The following ACSF2 variants were observed in gnomAD, a reference collection of about 807,000 sequenced individuals.
ACSF2 encodes the protein medium-chain acyl-CoA ligase ACSF2, mitochondrial.
Under a neutral mutation model 79.3 loss-of-function variants are expected in ACSF2, and 52 were observed. The observed-to-expected ratio is 0.66, with a 90% CI of 0.53 to 0.83. The LOEUF is 0.83. Among genes scored for constraint, ACSF2 ranks in the 40% least tolerant of loss-of-function variants. The pLI is 0.00. For synonymous variants in ACSF2, 283 were observed against 312.6 expected, an observed-to-expected ratio of 0.91 and a Z score of 1.00; for missense variants, 661 against 803.3, an observed-to-expected ratio of 0.82 and a Z score of 2.14.
At chr17:50,462,034 G>A (rs950558893) in intron 4 of ACSF2, 150 bp from the exon 5 acceptor site, 13 of 682,182 alleles carry the variant, frequency 1.9e-5, no homozygotes, top group Non-Finnish European at 3.1e-5. Flanking sequence ...GTGTGCATTT[G>A]TCTTGGAGTG....
intron 1 of ACSF2, among the ~76,000 whole-genome samples, chr17:50,434,944 C>T (rs2030270069): frequency 6.6e-6 from 1 of 152,038 alleles, no homozygotes; most frequent in Non-Finnish European, 1.5e-5. Flanking sequence ...AATCTTGGCT[C>T]ATCACAACCT....
At chr17:50,441,002 C>G (rs2030866133) in intron 1 of ACSF2, among the ~76,000 whole-genome samples, 1 of 152,244 alleles carries the variant, frequency 6.6e-6, no homozygotes, top group South Asian at 2.1e-4. Flanking sequence ...GGAGGGGCTC[C>G]CCATGGACTG....
At chr17:50,448,964 G>A (rs1244067697) in intron 1 of ACSF2, among the ~76,000 whole-genome samples, 1 of 144,274 alleles carries the variant, frequency 6.9e-6, no homozygotes, top group Non-Finnish European at 1.5e-5. Context: ...AACTATGTAT[G>A]TATTTGGAAT....
At chr17:50,442,500 C>T (rs1039550445) in intron 1 of ACSF2, among the ~76,000 whole-genome samples, 12 of 151,914 alleles carry the variant, frequency 7.9e-5, no homozygotes, top group South Asian at 4.1e-4. Context: ...GGGTCTTTCT[C>T]GGTCACCCAG....
At chr17:50,435,251 G>A (rs2143511919) in intron 1 of ACSF2, among the ~76,000 whole-genome samples, 1 of 152,258 alleles carries the variant, frequency 6.6e-6, no homozygotes, top group East Asian at 1.9e-4. Flanking sequence ...ACTCACAAAA[G>A]TGAGTTTTAC....
chr17:50,440,501 C>T lies in ACSF2; in HGVS notation c.128+14112C>T, dbSNP rs149553666. ...TCCTCTTATGTTCTCCATGGCAGAC[C>T]TGTTTGCCCAGGCATTTGCAATCCT... On this transcript the variant is annotated intron_variant, in intron 1 of 15. Coordinates refer to ENST00000300441, the MANE Select transcript of ACSF2 (RefSeq NM_025149.6). Among the ~76,000 whole-genome samples the T allele has an allele frequency of 3.5e-4, 53 of 152,330 alleles. 1 individual carries two copies. In the East Asian group the frequency reaches 9.1e-3, roughly 26 times the overall value.
chr17:50,469,024 G>A, intron 10 of ACSF2: 1 of 1,340,088 alleles, frequency 7.5e-7, no homozygotes, highest in Non-Finnish European at 9.5e-7. Flanking sequence ...GGGGAAGGGG[G>A]CGGGGCCGTT....
intron 2 of ACSF2, 162 bp downstream of exon 2, chr17:50,461,034 AG>A: frequency 8.9e-7 from 1 of 1,119,316 alleles, no homozygotes; most frequent in South Asian, 1.6e-5. Context: ...CTGACGCACA[AG>A]GGGTCCAATG....
At chr17:50,457,466 G>A (rs2032082698) in intron 1 of ACSF2, among the ~76,000 whole-genome samples, 1 of 152,178 alleles carries the variant, frequency 6.6e-6, no homozygotes, top group African/African-American at 2.4e-5. Flanking sequence ...CTAGACCTTG[G>A]CAGATCTCAG....
intron 1 of ACSF2, among the ~76,000 whole-genome samples, chr17:50,440,578 T>C (rs1019846892): frequency 1.2e-4 from 18 of 152,362 alleles, no homozygotes; most frequent in Non-Finnish European, 2.5e-4. Flanking sequence ...GGTCTCTACA[T>C]GACCATGTCA....
chr17:50,438,228 G>A (rs775958689), intron 1 of ACSF2, among the ~76,000 whole-genome samples: 2 of 151,900 alleles, frequency 1.3e-5, no homozygotes, highest in African/African-American at 2.4e-5. Context: ...ACCTAATACA[G>A]TATCTACACA....
At chr17:50,434,287 C>G (rs1260797422) in intron 1 of ACSF2, among the ~76,000 whole-genome samples, 1 of 152,038 alleles carries the variant, frequency 6.6e-6, no homozygotes, top group Non-Finnish European at 1.5e-5. Flanking sequence ...CCACCACACT[C>G]TAGCCTCAGT....
At chr17:50,456,166 G>A (rs957735875) in intron 1 of ACSF2, among the ~76,000 whole-genome samples, 2 of 152,060 alleles carry the variant, frequency 1.3e-5, no homozygotes, top group African/African-American at 4.8e-5. Context: ...TGCCTGACAC[G>A]CCCCAACCCC....
intron 10 of ACSF2, chr17:50,464,820 A>G (rs2032591968): frequency 8.6e-6 from 3 of 348,440 alleles, no homozygotes; most frequent in African/African-American, 4.7e-5. Context: ...GAGGGTGGGG[A>G]AGGCATGAAG....
At chr17:50,447,258 G>A (rs1361137875) in intron 1 of ACSF2, among the ~76,000 whole-genome samples, 2 of 152,070 alleles carry the variant, frequency 1.3e-5, no homozygotes, top group African/African-American at 4.8e-5. Context: ...AAATAAGGAT[G>A]GCCAGGTGTG....
At chr17:50,433,110 T>TA (rs2030084308) in intron 1 of ACSF2, among the ~76,000 whole-genome samples, 1 of 109,600 alleles carries the variant, frequency 9.1e-6, no homozygotes, top group Non-Finnish European at 2.0e-5. Context: ...TTTTTCTTTT[T>TA]CTTTTTTTTT....
chr17:50,472,693 C>T, intron 12 of ACSF2, 114 bp downstream of exon 12: 2 of 1,289,052 alleles, frequency 1.6e-6, no homozygotes, highest in Admixed American at 6.2e-5. Flanking sequence ...CAAGATGACC[C>T]CTCACATGCT....
intron 4 of ACSF2, 34 bp from the exon 5 acceptor site, chr17:50,462,150 C>G: frequency 6.3e-7 from 1 of 1,599,310 alleles, no homozygotes; most frequent in Non-Finnish European, 8.6e-7. Flanking sequence ...TGGGGCTCCC[C>G]GCTGACTGGA....
chr17:50,427,221 G>T (rs1915076798), intron 1 of ACSF2, among the ~76,000 whole-genome samples: 1 of 152,168 alleles, frequency 6.6e-6, no homozygotes, highest in African/African-American at 2.4e-5. Flanking sequence ...TGTGGGCCTG[G>T]ACATGGAAAA....
Sources: allele counts gnomAD v4.1 joint callset (sites outside exome capture counted in the v4.1 genomes callset), GRCh38; gene constraint gnomAD v4.1.1; transcripts MANE v1.5; gene names NCBI Gene and HGNC (gene_info 2026-07-23, HGNC 2026-07-21).